Variants in RNFT2 observed in about 807,000 individuals in gnomAD.
RNFT2 encodes the protein E3 ubiquitin-protein ligase RNFT2.
A neutral mutation model predicts 53.0 loss-of-function variants in RNFT2; 36 were observed. That is an observed-to-expected ratio of 0.68 (90% CI 0.52 to 0.90). The LOEUF (loss-of-function observed/expected upper bound fraction) is 0.90, where lower values mean the gene tolerates loss of function less well. Among genes scored for constraint, RNFT2 ranks in the 40% least tolerant of loss-of-function variants. RNFT2 has a pLI of 0.00. For missense variants in RNFT2, 514 were observed against 585.6 expected (o/e 0.88, Z 1.26); for synonymous variants, 260 against 253.2 (o/e 1.03, Z -0.26).
chr12:116,833,031 G>A (rs186741493), intron 7 of RNFT2, among the ~76,000 whole-genome samples: 22 of 149,144 alleles, frequency 1.5e-4, no homozygotes, highest in African/African-American at 4.2e-4. Context: ...CTCCTGCCTC[G>A]CTTGAGTAGC....
intron 10 of RNFT2, among the ~76,000 whole-genome samples, chr12:116,841,950 TATATATATAGAGAG>T (rs1877352045): frequency 9.1e-5 from 2 of 22,022 alleles, no homozygotes; most frequent in African/African-American, 6.4e-4. Flanking sequence ...TATATATAAA[TATATATATAGAGAG>T]AGAGAGAGAG....
At chr12:116,827,087 G>A (rs1449738774) in intron 7 of RNFT2, among the ~76,000 whole-genome samples, 1 of 151,940 alleles carries the variant, frequency 6.6e-6, no homozygotes, top group Non-Finnish European at 1.5e-5. Flanking sequence ...GGGTCTGGCA[G>A]CAGGTGCCTG....
At chr12:116,789,635 GTGGATGGA>G (rs148322297) in intron 7 of RNFT2, among the ~76,000 whole-genome samples, 13 of 131,986 alleles carry the variant, frequency 9.8e-5, no homozygotes, top group South Asian at 2.6e-4. Context: ...TGGGAGGAGA[GTGGATGGA>G]TGGATGGATG....
intron 10 of RNFT2, among the ~76,000 whole-genome samples, chr12:116,844,294 G>C (rs746653274): frequency 6.6e-6 from 1 of 152,198 alleles, no homozygotes; most frequent in African/African-American, 2.4e-5. Context: ...GTAGTGGCAC[G>C]ATCTTAGCTC....
At chr12:116,792,367 T>A (rs540297567) in intron 7 of RNFT2, among the ~76,000 whole-genome samples, 12 of 151,644 alleles carry the variant, frequency 7.9e-5, no homozygotes, top group Non-Finnish European at 1.3e-4. Flanking sequence ...TTTCTGAGAA[T>A]TAATTTTGGA....
intron 7 of RNFT2, among the ~76,000 whole-genome samples, chr12:116,787,290 G>T (rs1001379970): frequency 6.6e-6 from 1 of 152,238 alleles, no homozygotes; most frequent in Non-Finnish European, 1.5e-5. Context: ...GTGCTAGAGG[G>T]CCTAGGCCAT....
chr12:116,799,827 G>A (rs1293098217), intron 7 of RNFT2, among the ~76,000 whole-genome samples: 1 of 152,074 alleles, frequency 6.6e-6, no homozygotes, highest in Non-Finnish European at 1.5e-5. Context: ...GATAATTAGG[G>A]GTAGTGTGGT....
chr12:116,744,265 G>A (rs962437573), intron 3 of RNFT2, among the ~76,000 whole-genome samples: 9 of 151,346 alleles, frequency 5.9e-5, no homozygotes, highest in Admixed American at 2.0e-4. Flanking sequence ...GGATGAAGGA[G>A]TGAGTGTGAA....
intron 7 of RNFT2, among the ~76,000 whole-genome samples, chr12:116,829,815 A>G (rs575971972): frequency 6.6e-6 from 1 of 152,252 alleles, no homozygotes; most frequent in East Asian, 1.9e-4. Context: ...TCCTGGCCTC[A>G]AGAGATCTGT....
At chr12:116,752,194 A>T (rs951259654) in intron 4 of RNFT2, among the ~76,000 whole-genome samples, 1 of 24,792 alleles carries the variant, frequency 4.0e-5, no homozygotes, top group Non-Finnish European at 1.3e-4. Context: ...TACTGAAAAA[A>T]AAAGAGAGAG....
intron 5 of RNFT2, chr12:116,755,955 T>C: frequency 3.6e-6 from 3 of 844,324 alleles, no homozygotes; most frequent in South Asian, 1.4e-5. Flanking sequence ...CCATGCTGTT[T>C]TGGTGACTAT....
At chr12:116,781,436 G>A (rs2137119340) in intron 7 of RNFT2, among the ~76,000 whole-genome samples, 1 of 152,284 alleles carries the variant, frequency 6.6e-6, no homozygotes, top group South Asian at 2.1e-4. Flanking sequence ...TACAAACTTA[G>A]TGGTTTAAAG....
chr12:116,844,896 C>T (rs777077460), intron 10 of RNFT2, among the ~76,000 whole-genome samples: 23 of 152,120 alleles, frequency 1.5e-4, no homozygotes, highest in Middle Eastern at 3.2e-3. Flanking sequence ...ATTTACTGAG[C>T]ATCTGAGCAA....
At chr12:116,796,054 G>A (rs758063499) in intron 7 of RNFT2, among the ~76,000 whole-genome samples, 30 of 152,000 alleles carry the variant, frequency 2.0e-4, no homozygotes, top group Admixed American at 3.9e-4. Flanking sequence ...TATTACAGGC[G>A]CCCACCACCA....
chr12:116,839,848 A>G (rs1182329991), intron 10 of RNFT2, among the ~76,000 whole-genome samples: 1 of 152,046 alleles, frequency 6.6e-6, no homozygotes, highest in Non-Finnish European at 1.5e-5. Context: ...TAAGCTCAAT[A>G]TGTCACTCCC....
In RNFT2 at chr12:116,852,808, C is replaced by A; in HGVS notation, c.*3360C>A. 2 of 1,225,880 alleles carry A rather than the reference C, an allele frequency of 1.6e-6. No homozygotes were observed. The highest frequency in any genetic ancestry group is 1.2e-6 in the Non-Finnish European group (1 of 833,036). The allele number at this position is 1,225,880 out of a possible 1,614,324, so 75.9% of individuals were successfully genotyped here. ...CACTCAGCCTCCCTGTAGCCATCTC[C>A]AGGGTGACGGAACCCAGTGTATTAC... On this transcript the variant is annotated 3_prime_UTR_variant, in exon 11 of 11. Transcript: ENST00000257575.
intron 7 of RNFT2, among the ~76,000 whole-genome samples, chr12:116,819,603 C>T (rs1389316411): frequency 1.3e-5 from 2 of 152,184 alleles, no homozygotes; most frequent in African/African-American, 2.4e-5. Context: ...GGATTAATGG[C>T]TGCCGCCGGG....
chr12:116,763,280 C>T (rs1872762156), intron 5 of RNFT2, among the ~76,000 whole-genome samples: 1 of 152,044 alleles, frequency 6.6e-6, no homozygotes, highest in South Asian at 2.1e-4. Context: ...AAATGCTCAG[C>T]ATCACTACCG....
At chr12:116,769,079 G>A (rs1566075598) in intron 6 of RNFT2, among the ~76,000 whole-genome samples, 1 of 152,076 alleles carries the variant, frequency 6.6e-6, no homozygotes. Flanking sequence ...ATAAAAGTTG[G>A]CCGGGCGCAG....
Sources: allele counts gnomAD v4.1 joint callset (sites outside exome capture counted in the v4.1 genomes callset), GRCh38; gene constraint gnomAD v4.1.1; transcripts MANE v1.5; gene names NCBI Gene and HGNC (gene_info 2026-07-23, HGNC 2026-07-21).